Variants in EPB41L3 observed in about 807,000 individuals in gnomAD.
EPB41L3 encodes the protein band 4.1-like protein 3.
In EPB41L3, 57 loss-of-function variants were observed where a neutral mutation model predicts 127.1. The observed-to-expected ratio is 0.45, with a 90% CI of 0.36 to 0.56. EPB41L3 has a LOEUF of 0.56. Ranked by LOEUF, EPB41L3 falls within the 20% of genes least tolerant of loss-of-function variation. The pLI, the probability that EPB41L3 is intolerant of heterozygous loss-of-function variation, is 0.00. For synonymous variants in EPB41L3, 572 were observed against 549.5 expected, an observed-to-expected ratio of 1.04 and a Z score of -0.57; for missense variants, 1,273 against 1,372.2, an observed-to-expected ratio of 0.93 and a Z score of 1.14.
chr18:5,413,693 A>G (rs1422718317), intron 13 of EPB41L3, among the ~76,000 whole-genome samples: 1 of 152,200 alleles, frequency 6.6e-6, no homozygotes, highest in East Asian at 1.9e-4. Context: ...AGCTCTTAAC[A>G]CTTCAAGAGA....
intron 2 of EPB41L3, chr18:5,488,779 G>C (rs1599667560): frequency 4.2e-6 from 2 of 481,910 alleles, no homozygotes; most frequent in Middle Eastern, 5.4e-4. Flanking sequence ...GGACTTCAGT[G>C]AGTTTCAGTG....
chr18:5,594,297 C>T (rs530594528), intron 3 of EPB41L3, among the ~76,000 whole-genome samples: 6 of 152,252 alleles, frequency 3.9e-5, no homozygotes, highest in African/African-American at 2.4e-5. Flanking sequence ...CCTGACTTCC[C>T]GCAACACCCC....
At chr18:5,488,900 G>A (rs1159854050) in intron 2 of EPB41L3, 101 bp downstream of exon 2, 2 of 1,266,350 alleles carry the variant, frequency 1.6e-6, no homozygotes, top group Non-Finnish European at 2.1e-6. Context: ...AACAGCAGAT[G>A]ACCCCTCATA....
rs986880080 is a variant in EPB41L3 at position 5,438,180 on chromosome 18, T to C, written c.530-70A>G. ...TATGACTCTAATCGATGGCCAGAAC[T>C]GCCTTAACTCCAAGCATTAACACCC... is the stretch of plus-strand genomic sequence containing the variant. On this transcript the variant is annotated intron_variant, in intron 5 of 22. Transcript: ENST00000341928. The C allele has an allele frequency of 6.9e-6, 10 of 1,441,658 alleles. No individual in the cohort carries two copies. In the African/African-American group the frequency reaches 1.3e-4, roughly 18 times the overall value. 89.3% of individuals were successfully genotyped at this position (1,441,658 alleles called of 1,614,324 possible).
chr18:5,502,025 A>G (rs1387719334), intron 1 of EPB41L3, among the ~76,000 whole-genome samples: 1 of 148,660 alleles, frequency 6.7e-6, no homozygotes, highest in African/African-American at 2.5e-5. Flanking sequence ...CTCAGTCGCC[A>G]TCTTCCCTCC....
chr18:5,596,486 G>T (rs902430634), intron 3 of EPB41L3, among the ~76,000 whole-genome samples: 2 of 152,098 alleles, frequency 1.3e-5, no homozygotes, highest in African/African-American at 2.4e-5. Flanking sequence ...GATTAGCAGG[G>T]TCTTCTTAAG....
intron 3 of EPB41L3, among the ~76,000 whole-genome samples, chr18:5,455,293 C>T (rs113901007): frequency 0.078 from 11,582 of 147,810 alleles, 1,116 homozygotes; most frequent in African/African-American, 0.23. Flanking sequence ...ATTACTCTTA[C>T]GAAAAAAAAA....
rs983615993 is a variant in EPB41L3 at position 5,432,493 on chromosome 18, T to A, written c.912+976A>T. Among the ~76,000 whole-genome samples the A allele has an allele frequency of 2.7e-4, 41 of 152,212 alleles. 1 individual carries two copies. The highest frequency in any genetic ancestry group is 9.4e-4 in the African/African-American group (39 of 41,466). On this transcript the variant is annotated intron_variant, in intron 8 of 22. Transcript: ENST00000341928. ...ACCTCTGACCTTAACATTGACCTTT[T>A]TAACACTGCTAATGCATCAGAATCC... is the stretch of plus-strand genomic sequence containing the variant.
At chr18:5,614,406 T>G (rs532956372) in exon 2 of EPB41L3, 5 of 152,192 alleles carry the variant, frequency 3.3e-5, no homozygotes, top group Admixed American at 6.5e-5. Flanking sequence ...ATGAGCTTCT[T>G]TTGTCTCCCA....
chr18:5,397,964 G>T lies in EPB41L3; in HGVS notation c.2472+57C>A. On this transcript the variant is annotated intron_variant, in intron 17 of 22. Coordinates refer to ENST00000341928, the MANE Select transcript of EPB41L3 (RefSeq NM_012307.5). This position sits in a 1 kb window ranked among gnomAD's most constrained non-coding sequence, Gnocchi z 4.1. ...CCACACACTCACGCCCAAAAAAAGGGTAAGGAAAGGCACATGGGCACATTC... is the reference window on the plus strand; with the variant it reads ...CCACACACTCACGCCCAAAAAAAGGTTAAGGAAAGGCACATGGGCACATTC... The T allele has an allele frequency of 6.2e-7, 1 of 1,610,348 alleles. No individual in the cohort carries two copies. Among genetic ancestry groups the T allele is most frequent in the African/African-American group, 1.3e-5 (1 of 74,842 alleles).
chr18:5,539,545 T>G (rs1220834448), intron 1 of EPB41L3: 1 of 152,220 alleles, frequency 6.6e-6, no homozygotes, highest in Non-Finnish European at 1.5e-5. Context: ...TTCTTTATGC[T>G]TTGAAACTGT....
chr18:5,402,876 G>A (rs1178900631), intron 16 of EPB41L3, among the ~76,000 whole-genome samples: 2 of 152,060 alleles, frequency 1.3e-5, no homozygotes, highest in African/African-American at 2.4e-5. Flanking sequence ...TAAAATTTAG[G>A]GAATGGGTAA....
In EPB41L3 at chr18:5,415,929, G is replaced by A. The variant is rs186596462; in HGVS notation, c.1956C>T (p.Tyr652=). ...CCAGAGGGAAGGAGAGAGTGAGAGCGTATGGCACTGAGAAGGAGGCAGACA... is the reference window on the plus strand; with the variant it reads ...CCAGAGGGAAGGAGAGAGTGAGAGCATATGGCACTGAGAAGGAGGCAGACA... ...FLLSASFSVP[Y]ALTLSFPLAL... is the part of the protein sequence containing the mutation. The change falls in exon 13 of 23, where the codon TAC becomes TAT. Residue 652 remains tyrosine (Y), a synonymous_variant. Coordinates refer to ENST00000341928, the MANE Select transcript of EPB41L3 (RefSeq NM_012307.5). 1.2e-4 allele frequency: 187 copies of A among 1,614,096 alleles called. 3 individuals are homozygous for A. The highest frequency in any genetic ancestry group is 1.2e-3 in the Middle Eastern group (7 of 6,062).
upstream of EPB41L3, chr18:5,630,355 C>T (rs748779116): frequency 5.8e-6 from 3 of 517,726 alleles, no homozygotes; most frequent in African/African-American, 1.9e-5. Context: ...CGCCCGGCTG[C>T]CAAGAAGAGA....
At chr18:5,579,490 A>T (rs2094370502) in intron 3 of EPB41L3, among the ~76,000 whole-genome samples, 1 of 152,192 alleles carries the variant, frequency 6.6e-6, no homozygotes, top group Non-Finnish European at 1.5e-5. Context: ...TCCTAAAAAC[A>T]CCCAAAGGAC....
intron 1 of EPB41L3, among the ~76,000 whole-genome samples, chr18:5,513,220 T>C (rs2092613995): frequency 6.6e-6 from 1 of 152,194 alleles, no homozygotes. Flanking sequence ...ACATAGCTCA[T>C]GCAAGAAGTG....
In EPB41L3 at chr18:5,434,055, G is replaced by C; in HGVS notation, c.672C>G (p.Thr224=). ...VSGRLPCSFV[T]LALLGSYTVQ... is the part of the protein sequence containing the mutation. ...CAGTGTAGGAGCCCAGCAAGGCCAG[G>C]GTAACAAAGGAGCAGGGCAGCCTTC... Residue 224 remains threonine (T), a synonymous_variant, in exon 7 of 23, where the codon ACC becomes ACG. Coordinates refer to ENST00000341928, the MANE Select transcript of EPB41L3 (RefSeq NM_012307.5). 2 of 1,614,088 alleles carry C rather than the reference G, an allele frequency of 1.2e-6. No individual in the cohort carries two copies. Among genetic ancestry groups the C allele is most frequent in the Non-Finnish European group, 1.7e-6 (2 of 1,180,016 alleles).
At chr18:5,401,028 C>G (rs1386741329) in intron 16 of EPB41L3, 9 of 1,534,432 alleles carry the variant, frequency 5.9e-6, no homozygotes, top group Middle Eastern at 1.7e-4. Context: ...TCAGAAATCT[C>G]TGTTTCTTCT....
chr18:5,474,341 C>T (rs535944031), intron 3 of EPB41L3, among the ~76,000 whole-genome samples: 44 of 152,146 alleles, frequency 2.9e-4, no homozygotes, highest in African/African-American at 1.0e-3. Flanking sequence ...AGCATAGAAA[C>T]ATCGGTGGGG....
Sources: gnomAD v4.1 joint callset for allele counts (sites outside exome capture counted in the v4.1 genomes callset) on GRCh38, gnomAD v4.1.1 for gene constraint, Gnocchi (gnomAD v3.1) non-coding constraint, MANE v1.5 for transcripts, NCBI Gene and HGNC (gene_info 2026-07-23, HGNC 2026-07-21) for gene names.